BEND7: variants seen among roughly 807,000 people sequenced by gnomAD.
BEND7 encodes the protein BEN domain containing 7, also known as BEN domain-containing protein 7.
A neutral mutation model predicts 50.9 loss-of-function variants in BEND7; 28 were observed. That is an observed-to-expected ratio of 0.55 (90% CI 0.41 to 0.75). The LOEUF is 0.75. Among genes scored for constraint, BEND7 ranks in the 30% least tolerant of loss-of-function variants. The pLI is 0.00. For missense variants in BEND7, 477 were observed against 491.3 expected (o/e 0.97, Z 0.28); for synonymous variants, 170 against 183.9 (o/e 0.92, Z 0.61).
At chr10:13,443,366 G>A (rs957406082) in intron 8 of BEND7, 5 of 152,674 alleles carry the variant, frequency 3.3e-5, no homozygotes, top group African/African-American at 1.2e-4. Flanking sequence ...CTGGTTCTGT[G>A]TCCTCCGTGT....
At chr10:13,449,699 C>A (rs1837273367) in intron 7 of BEND7, among the ~76,000 whole-genome samples, 1 of 151,998 alleles carries the variant, frequency 6.6e-6, no homozygotes, top group Non-Finnish European at 1.5e-5. Context: ...ACTGACCTTC[C>A]TTTTGTAATT....
At position 13,441,234 on chromosome 10, in the gene BEND7, C is replaced by T. The variant is rs1835274117; in HGVS notation, c.*509G>A. 3.3e-6 allele frequency: 3 copies of T among 911,678 alleles called. No homozygotes were observed. In the South Asian group the frequency reaches 1.5e-4, roughly 46 times the overall value. 56.5% of individuals were successfully genotyped at this position (911,678 alleles called of 1,614,324 possible). On this transcript the variant is annotated 3_prime_UTR_variant, in exon 9 of 9. Coordinates refer to ENST00000466271, the MANE Select transcript of BEND7 (RefSeq NM_001369863.1). ...AAAGAACATAGTAATTTTAAAAAAT[C>T]TAAATATTTACATATTAATAAAACA... is the stretch of plus-strand genomic sequence containing the variant.
At chr10:13,499,632 T>C (rs1180161399) in intron 3 of BEND7, 146 bp downstream of exon 3, 7 of 975,212 alleles carry the variant, frequency 7.2e-6, no homozygotes, top group Admixed American at 5.3e-5. Flanking sequence ...CTCTTTCCTT[T>C]GTGTCTCCCT....
chr10:13,450,185 C>CACTT (rs1837366882), intron 7 of BEND7, among the ~76,000 whole-genome samples: 1 of 152,142 alleles, frequency 6.6e-6, no homozygotes, highest in Non-Finnish European at 1.5e-5. Flanking sequence ...CTGTGTGGGG[C>CACTT]ACTTCTTTTT....
intron 6 of BEND7, among the ~76,000 whole-genome samples, chr10:13,473,162 T>C (rs1032885069): frequency 2.0e-5 from 3 of 151,034 alleles, no homozygotes; most frequent in African/African-American, 7.3e-5. Context: ...TCATCTCTCT[T>C]AGACTCAGGA....
At chr10:13,507,872 G>A (rs1339017968) in intron 2 of BEND7, among the ~76,000 whole-genome samples, 1 of 152,178 alleles carries the variant, frequency 6.6e-6, no homozygotes, top group African/African-American at 2.4e-5. Context: ...TTTTTAGGGG[G>A]CAGGTAATGG....
At chr10:13,524,178 C>G (rs192505448) in intron 2 of BEND7, among the ~76,000 whole-genome samples, 7 of 152,328 alleles carry the variant, frequency 4.6e-5, no homozygotes, top group Middle Eastern at 3.4e-3. Flanking sequence ...TTCGTAGTGA[C>G]CTTACCACTT....
At chr10:13,514,114 C>T (rs2078480721) in intron 2 of BEND7, among the ~76,000 whole-genome samples, 1 of 152,156 alleles carries the variant, frequency 6.6e-6, no homozygotes, top group African/African-American at 2.4e-5. Context: ...GGGCCGTATT[C>T]CTTAATTCCC....
chr10:13,447,689 G>A (rs567858245), intron 7 of BEND7, among the ~76,000 whole-genome samples: 6 of 151,844 alleles, frequency 4.0e-5, no homozygotes, highest in South Asian at 4.2e-4. Flanking sequence ...GACTACAGGC[G>A]CCCGCCACCA....
chr10:13,492,557 A>C (rs2076738174), intron 5 of BEND7, 54 bp downstream of exon 5: 1 of 1,599,094 alleles, frequency 6.3e-7, no homozygotes, highest in Admixed American at 1.8e-5. Flanking sequence ...AATACTATAA[A>C]ATTCCCAAAA....
At chr10:13,529,377 C>A (rs2079587383), upstream of BEND7, among the ~76,000 whole-genome samples, 1 of 151,872 alleles carries the variant, frequency 6.6e-6, no homozygotes, top group Admixed American at 6.6e-5. Flanking sequence ...ACATCCCGGG[C>A]GCCCCGGGGC....
intron 6 of BEND7, among the ~76,000 whole-genome samples, chr10:13,454,059 T>A (rs922881774): frequency 6.6e-6 from 1 of 151,850 alleles, no homozygotes; most frequent in South Asian, 2.1e-4. Context: ...CAGCAGGGAG[T>A]TCCCCTTCAG....
At position 13,452,660 on chromosome 10, in the gene BEND7, T is replaced by C; in HGVS notation, c.1064-2A>G. The C allele has an allele frequency of 6.3e-7, 1 of 1,575,834 alleles. No individual in the cohort carries two copies. Among genetic ancestry groups the C allele is most frequent in the Non-Finnish European group, 8.6e-7 (1 of 1,161,798 alleles). On this transcript the variant is annotated splice_acceptor_variant, in intron 6 of 8. Coordinates refer to ENST00000466271, the MANE Select transcript of BEND7 (RefSeq NM_001369863.1). LOFTEE classifies it high-confidence loss of function. ...CTGTACAGTACTTTTCTGTGAAGAC[T>C]GAAAGAAAATGTAAAATATTGTTAA...
chr10:13,466,968 G>A (rs1050579215), intron 6 of BEND7, among the ~76,000 whole-genome samples: 4 of 152,182 alleles, frequency 2.6e-5, no homozygotes, highest in Non-Finnish European at 5.9e-5. Flanking sequence ...AGGTGACAGA[G>A]GCTGGGAGAA....
At position 13,500,033 on chromosome 10, in the gene BEND7, A is replaced by G. The variant is rs768704959; in HGVS notation, c.193T>C (p.Leu65=). 7.4e-6 allele frequency: 12 copies of G among 1,610,946 alleles called. No homozygotes were observed. The highest frequency in any genetic ancestry group is 1.0e-5 in the Non-Finnish European group (12 of 1,177,566). Residue 65 remains leucine (L), a synonymous_variant, in exon 3 of 9, where the codon TTG becomes CTG. Transcript: ENST00000466271. The part of the protein sequence containing the change: ...IKKQITGMRR[L]LNDSTGRIYQ... ...ATCCGCCCAGTGCTGTCGTTCAGCA[A>G]TCTTCTCATCCCTGTAATTTGCTTT...
intron 2 of BEND7, chr10:13,500,690 G>T: frequency 2.0e-6 from 2 of 985,640 alleles, no homozygotes; most frequent in Non-Finnish European, 2.4e-6. Flanking sequence ...CTTCAGAGAG[G>T]ACGGCCGAGG....
intron 2 of BEND7, among the ~76,000 whole-genome samples, chr10:13,508,566 A>G (rs1366628081): frequency 2.6e-5 from 4 of 152,238 alleles, no homozygotes; most frequent in South Asian, 2.1e-4. Flanking sequence ...AGACACAAAT[A>G]TATCTCCACG....
intron 2 of BEND7, 111 bp from the exon 3 acceptor site, chr10:13,500,191 G>T: frequency 1.0e-6 from 1 of 954,920 alleles, no homozygotes; most frequent in Non-Finnish European, 1.5e-6. Context: ...TGGGAAAGAT[G>T]ACTGACTCTA....
chr10:13,492,461 A>G, intron 5 of BEND7, 150 bp downstream of exon 5: 2 of 1,078,044 alleles, frequency 1.9e-6, no homozygotes, highest in Non-Finnish European at 1.3e-6. Flanking sequence ...AGAAAACTCC[A>G]GACAAGAAAA....
Sources: allele counts gnomAD v4.1 joint callset (sites outside exome capture counted in the v4.1 genomes callset), GRCh38; gene constraint gnomAD v4.1.1; transcripts MANE v1.5; gene names NCBI Gene and HGNC (gene_info 2026-07-23, HGNC 2026-07-21).